PDE8A: variants seen among roughly 807,000 people sequenced by gnomAD.
PDE8A encodes phosphodiesterase 8A.
A neutral mutation model predicts 105.0 loss-of-function variants in PDE8A; 59 were observed. The ratio of observed to expected loss-of-function variants is 0.56; its 90% CI spans 0.46 to 0.70. PDE8A has a LOEUF of 0.70. PDE8A is among the 30% of genes least tolerant of loss of function. The pLI is 0.00. For synonymous variants in PDE8A, 355 were observed against 371.9 expected (o/e 0.95, Z 0.52); for missense variants, 1,014 against 1,045.9 (o/e 0.97, Z 0.42).
intron 1 of PDE8A, among the ~76,000 whole-genome samples, chr15:85,032,238 T>G (rs965216686): frequency 6.6e-6 from 1 of 152,224 alleles, no homozygotes; most frequent in Non-Finnish European, 1.5e-5. Context: ...GACACCATAG[T>G]AGAAGCTCAC....
intron 1 of PDE8A, among the ~76,000 whole-genome samples, chr15:85,049,856 A>C (rs1336296886): frequency 6.6e-6 from 1 of 152,176 alleles, no homozygotes; most frequent in Non-Finnish European, 1.5e-5. Context: ...CCAAAAGGGG[A>C]TTGTTGGATC....
intron 20 of PDE8A, among the ~76,000 whole-genome samples, chr15:85,127,917 T>C (rs974451595): frequency 1.3e-5 from 2 of 151,960 alleles, no homozygotes; most frequent in African/African-American, 2.4e-5. Context: ...CAAGAAAGTG[T>C]GGTGCTGGCA....
chr15:85,031,354 G>A (rs1441965149), intron 1 of PDE8A, among the ~76,000 whole-genome samples: 1 of 152,138 alleles, frequency 6.6e-6, no homozygotes, highest in African/African-American at 2.4e-5. Flanking sequence ...ATAGGTGAGG[G>A]AGATTTGGGA....
intron 17 of PDE8A, among the ~76,000 whole-genome samples, chr15:85,118,524 T>C (rs1459903270): frequency 6.6e-6 from 1 of 152,166 alleles, no homozygotes; most frequent in East Asian, 1.9e-4. Flanking sequence ...CTACTGCCAA[T>C]GTGATCTTTC....
Position 85,137,957 on chromosome 15 carries a change from C to G in PDE8A, c.*54C>G, listed in dbSNP as rs192260739. 8,281 of 1,134,564 alleles carry G rather than the reference C, an allele frequency of 7.3e-3. 168 individuals carry two copies. Among genetic ancestry groups the G allele is most frequent in the African/African-American group, 0.065 (4,249 of 65,462 alleles). 70.3% of individuals were successfully genotyped at this position (1,134,564 alleles called of 1,614,324 possible). On this transcript the variant is annotated 3_prime_UTR_variant, in exon 22 of 22. Coordinates refer to ENST00000394553, the MANE Select transcript of PDE8A (RefSeq NM_002605.3). Reference sequence around the variant, plus strand: ...TTTGTTCCTTCGGTCATTTGGAATTCCTGAGGGCAGCCAGAGCTCCTTGGT... The same window carrying G: ...TTTGTTCCTTCGGTCATTTGGAATTGCTGAGGGCAGCCAGAGCTCCTTGGT...
intron 1 of PDE8A, among the ~76,000 whole-genome samples, chr15:85,061,445 G>T (rs945950414): frequency 6.6e-6 from 1 of 151,594 alleles, no homozygotes; most frequent in Non-Finnish European, 1.5e-5. Flanking sequence ...TCACCATGTT[G>T]GCCAGGCTGG....
At chr15:85,114,966 A>C (rs540481188) in intron 14 of PDE8A, among the ~76,000 whole-genome samples, 1 of 152,068 alleles carries the variant, frequency 6.6e-6, no homozygotes. Context: ...AGGAGAGTCA[A>C]CTGTGGGGAA....
chr15:85,015,690 A>G (rs560331495), intron 1 of PDE8A, among the ~76,000 whole-genome samples: 1 of 152,290 alleles, frequency 6.6e-6, no homozygotes, highest in South Asian at 2.1e-4. Flanking sequence ...ATCTTTTCAC[A>G]TGTTTAAACT....
intron 12 of PDE8A, among the ~76,000 whole-genome samples, chr15:85,109,936 A>T (rs774383931): frequency 1.3e-5 from 2 of 152,144 alleles, no homozygotes; most frequent in Non-Finnish European, 2.9e-5. Flanking sequence ...TTATGGGAAG[A>T]CTGTAAGCTT....
At chr15:85,024,141 C>T (rs531818711) in intron 1 of PDE8A, among the ~76,000 whole-genome samples, 6 of 152,246 alleles carry the variant, frequency 3.9e-5, no homozygotes, top group South Asian at 2.1e-4. Context: ...TCACCTCTTC[C>T]GGGAAATCTT....
intron 2 of PDE8A, among the ~76,000 whole-genome samples, chr15:85,065,127 A>G (rs1346130866): frequency 6.6e-6 from 1 of 152,184 alleles, no homozygotes; most frequent in African/African-American, 2.4e-5. Flanking sequence ...TTTAGTGTTC[A>G]TTTTCATTCA....
intron 2 of PDE8A, among the ~76,000 whole-genome samples, 187 bp from the exon 3 acceptor site, chr15:85,066,827 A>G (rs932246765): frequency 6.6e-6 from 1 of 151,662 alleles, no homozygotes; most frequent in Non-Finnish European, 1.5e-5. Flanking sequence ...TGGCCCAACT[A>G]CTCGGCAGGG....
intron 18 of PDE8A, among the ~76,000 whole-genome samples, chr15:85,121,859 G>A (rs1406069937): frequency 6.6e-6 from 1 of 152,114 alleles, no homozygotes; most frequent in Admixed American, 6.5e-5. Context: ...GACATTTTAT[G>A]TAAATGGAAT....
intron 20 of PDE8A, among the ~76,000 whole-genome samples, chr15:85,126,665 A>G (rs2082263745): frequency 6.6e-6 from 1 of 151,996 alleles, no homozygotes; most frequent in African/African-American, 2.4e-5. Context: ...CTGAGTAGAA[A>G]AAACCTCTCT....
At chr15:85,022,909 A>T (rs745778924) in intron 1 of PDE8A, among the ~76,000 whole-genome samples, 8 of 152,162 alleles carry the variant, frequency 5.3e-5, no homozygotes, top group Non-Finnish European at 8.8e-5. Flanking sequence ...GAAGATGAAG[A>T]TATATGAACA....
chr15:85,093,124 C>T (rs762401281), intron 8 of PDE8A, among the ~76,000 whole-genome samples: 2 of 152,030 alleles, frequency 1.3e-5, no homozygotes, highest in South Asian at 2.1e-4. Flanking sequence ...AGGTTGGTCT[C>T]GAACTCCTGG....
intron 1 of PDE8A, among the ~76,000 whole-genome samples, chr15:85,013,041 T>C (rs1016673577): frequency 6.6e-6 from 1 of 152,222 alleles, no homozygotes; most frequent in African/African-American, 2.4e-5. Context: ...TAAATGGAGC[T>C]TTGTACTCTT....
At chr15:85,030,245 T>C (rs892625867) in intron 1 of PDE8A, among the ~76,000 whole-genome samples, 2 of 151,872 alleles carry the variant, frequency 1.3e-5, no homozygotes, top group African/African-American at 2.4e-5. Context: ...CTGCCTGAGT[T>C]TTGTCTCCTG....
chr15:85,040,256 A>C (rs933808160), intron 1 of PDE8A, among the ~76,000 whole-genome samples: 1 of 151,712 alleles, frequency 6.6e-6, no homozygotes, highest in Non-Finnish European at 1.5e-5. Flanking sequence ...CAGCCTGGGC[A>C]ATATAGCAAG....
Sources: gnomAD v4.1 joint callset for allele counts (sites outside exome capture counted in the v4.1 genomes callset) on GRCh38, gnomAD v4.1.1 for gene constraint, MANE v1.5 for transcripts, NCBI Gene and HGNC (gene_info 2026-07-23, HGNC 2026-07-21) for gene names.